ELMO1: variants seen among roughly 807,000 people sequenced by gnomAD.
ELMO1 encodes the protein engulfment and cell motility 1, also known as engulfment and cell motility protein 1.
A neutral mutation model predicts 98.9 loss-of-function variants in ELMO1; 26 were observed. That is an observed-to-expected ratio of 0.26 (90% CI 0.19 to 0.36). The LOEUF is 0.36. Ranked by LOEUF, ELMO1 falls within the 10% of genes least tolerant of loss-of-function variation. The pLI, the probability that ELMO1 is intolerant of heterozygous loss-of-function variation, is 1.00. For missense variants in ELMO1, 627 were observed against 935.2 expected (o/e 0.67, Z 4.30); for synonymous variants, 346 against 346.0 (o/e 1.00, Z 0.00).
chr7:36,968,967 T>C (rs1300506596), intron 16 of ELMO1, among the ~76,000 whole-genome samples: 1 of 152,164 alleles, frequency 6.6e-6, no homozygotes, highest in Non-Finnish European at 1.5e-5. Flanking sequence ...ATCATTTTTG[T>C]AATCTTTAGT....
At chr7:37,028,899 T>C (rs764218416) in intron 15 of ELMO1, among the ~76,000 whole-genome samples, 1 of 152,232 alleles carries the variant, frequency 6.6e-6, no homozygotes, top group Non-Finnish European at 1.5e-5. Flanking sequence ...CCAATTTATT[T>C]CTTGCCATGC....
intron 5 of ELMO1, among the ~76,000 whole-genome samples, chr7:37,264,072 T>C (rs1796121657): frequency 6.6e-6 from 1 of 152,236 alleles, no homozygotes; most frequent in South Asian, 2.1e-4. Flanking sequence ...TTAGAGAATG[T>C]AAAATAGTGT....
intron 16 of ELMO1, among the ~76,000 whole-genome samples, chr7:36,975,249 C>T (rs1790422979): frequency 6.6e-6 from 1 of 152,066 alleles, no homozygotes; most frequent in South Asian, 2.1e-4. Flanking sequence ...GTAGGCAGAT[C>T]ACTTGACGTC....
intron 4 of ELMO1, among the ~76,000 whole-genome samples, chr7:37,279,615 T>C (rs1418320231): frequency 3.9e-5 from 6 of 152,168 alleles, no homozygotes; most frequent in Non-Finnish European, 5.9e-5. Flanking sequence ...CGACCTTACC[T>C]GGAGCTGAGC....
At chr7:36,995,598 A>G (rs1483122268) in intron 16 of ELMO1, among the ~76,000 whole-genome samples, 2 of 152,152 alleles carry the variant, frequency 1.3e-5, no homozygotes, top group Non-Finnish European at 2.9e-5. Flanking sequence ...CATTTAATAT[A>G]CTACAAAACA....
chr7:37,229,279 T>C (rs1264070237), intron 8 of ELMO1, among the ~76,000 whole-genome samples: 1 of 152,152 alleles, frequency 6.6e-6, no homozygotes, highest in East Asian at 1.9e-4. Context: ...TCATAACACC[T>C]AAAGTTTTTT....
At chr7:36,883,599 TC>T (rs1562794837) in intron 18 of ELMO1, among the ~76,000 whole-genome samples, 1 of 152,032 alleles carries the variant, frequency 6.6e-6, no homozygotes, top group Non-Finnish European at 1.5e-5. Context: ...CACCTCCTCC[TC>T]CCTCTTTTCC....
chr7:37,018,999 T>C (rs113003569), intron 15 of ELMO1, among the ~76,000 whole-genome samples: 2 of 152,276 alleles, frequency 1.3e-5, no homozygotes, highest in African/African-American at 4.8e-5. Flanking sequence ...TGATGATATG[T>C]CAAAAACCTA....
At chr7:37,005,216 TAA>T (rs1420859613) in intron 16 of ELMO1, among the ~76,000 whole-genome samples, 6 of 151,464 alleles carry the variant, frequency 4.0e-5, no homozygotes, top group Admixed American at 6.6e-5. Flanking sequence ...TCCTTCCTTA[TAA>T]AGAGATGCTG....
chr7:37,117,501 C>T (rs893072926), intron 14 of ELMO1, among the ~76,000 whole-genome samples: 2 of 152,208 alleles, frequency 1.3e-5, no homozygotes, highest in Non-Finnish European at 2.9e-5. Context: ...TAACAATGAT[C>T]TCATCCTCAT....
intron 15 of ELMO1, among the ~76,000 whole-genome samples, chr7:37,036,134 G>T (rs1057199754): frequency 6.6e-6 from 1 of 151,760 alleles, no homozygotes; most frequent in Non-Finnish European, 1.5e-5. Flanking sequence ...TAATTTTTTG[G>T]ATATTTCTAG....
At position 36,974,024 on chromosome 7, in the gene ELMO1, C is replaced by G. The variant is rs191655535; in HGVS notation, c.1437+39275G>C. ...GCCCGCCATGCCTGAGCCTCCCCCCCACTCCGTGGGCTCCTGTGCGTCTGG... is the reference window on the plus strand; with the variant it reads ...GCCCGCCATGCCTGAGCCTCCCCCCGACTCCGTGGGCTCCTGTGCGTCTGG... On this transcript the variant is annotated intron_variant, in intron 16 of 21. Transcript: ENST00000310758. Among the ~76,000 whole-genome samples, 133 of 152,248 alleles carry G rather than the reference C, an allele frequency of 8.7e-4. 1 individual carries two copies. The highest frequency in any genetic ancestry group is 3.4e-3 in the Middle Eastern group (1 of 294).
intron 1 of ELMO1, among the ~76,000 whole-genome samples, chr7:37,361,000 T>C (rs1288083985): frequency 6.6e-6 from 1 of 151,368 alleles, no homozygotes; most frequent in African/African-American, 2.4e-5. Flanking sequence ...AAGTATTTAC[T>C]TCAGTACACA....
chr7:37,412,886 T>C (rs987702), intron 1 of ELMO1, among the ~76,000 whole-genome samples: 86,229 of 152,034 alleles, frequency 0.57, 24,925 homozygotes, highest in East Asian at 0.77. Flanking sequence ...CAGGAGCACA[T>C]CATCTTGGAA....
Position 37,314,231 on chromosome 7 carries a change from A to G in ELMO1, c.192+619T>C, listed in dbSNP as rs369544622. Among the ~76,000 whole-genome samples, 3 of 152,220 alleles carry G rather than the reference A, an allele frequency of 2.0e-5. No individual in the cohort carries two copies. In the East Asian group the frequency reaches 5.8e-4, roughly 29 times the overall value. On this transcript the variant is annotated intron_variant, in intron 4 of 21. Coordinates refer to ENST00000310758, the MANE Select transcript of ELMO1 (RefSeq NM_014800.11). ...GAAATCCTAAACAGATGTAATGTGC[A>G]TGGCTCAGTTCCTGGCATGCAGTAT...
intron 1 of ELMO1, among the ~76,000 whole-genome samples, chr7:37,428,076 C>T (rs531978015): frequency 1.3e-4 from 19 of 150,804 alleles, no homozygotes; most frequent in Non-Finnish European, 2.1e-4. Flanking sequence ...TGCACACACA[C>T]GTTGGAGGGG....
intron 2 of ELMO1, among the ~76,000 whole-genome samples, chr7:37,329,322 T>C (rs1032023185): frequency 3.9e-5 from 6 of 152,222 alleles, no homozygotes; most frequent in African/African-American, 1.4e-4. Context: ...AAGTGATATT[T>C]TGATACATGT....
rs565163617 is a variant in ELMO1 at position 37,197,841 on chromosome 7, C to T, written c.1086+13545G>A. Reference sequence around the variant, plus strand: ...GTGCTGGATGCCTATAACTACCTTTCCCAGGTACCAGGACCCCATCACCAC... The same window carrying T: ...GTGCTGGATGCCTATAACTACCTTTTCCAGGTACCAGGACCCCATCACCAC... On this transcript the variant is annotated intron_variant, in intron 13 of 21. Transcript: ENST00000310758. 5.9e-5 allele frequency among the ~76,000 whole-genome samples: 9 copies of T among 152,302 alleles called. 1 individual carries two copies. Among genetic ancestry groups the T allele is most frequent in the Middle Eastern group, 3.4e-3 (1 of 294 alleles).
intron 1 of ELMO1, among the ~76,000 whole-genome samples, chr7:37,394,841 G>A (rs1185276293): frequency 3.3e-5 from 5 of 152,102 alleles, no homozygotes; most frequent in Admixed American, 6.5e-5. Context: ...CTCCAGACAC[G>A]AGAACAATTT....
Sources: gnomAD v4.1 joint callset for allele counts (sites outside exome capture counted in the v4.1 genomes callset) on GRCh38, gnomAD v4.1.1 for gene constraint, MANE v1.5 for transcripts, NCBI Gene and HGNC (gene_info 2026-07-23, HGNC 2026-07-21) for gene names.